Variants in CTR9 observed in about 807,000 individuals in gnomAD.
CTR9 encodes CTR9 component of Paf1/RNA polymerase II complex.
A neutral mutation model predicts 152.1 loss-of-function variants in CTR9; 41 were observed. The ratio of observed to expected loss-of-function variants is 0.27; its 90% CI spans 0.21 to 0.35. The LOEUF (loss-of-function observed/expected upper bound fraction) is 0.35, where lower values mean the gene tolerates loss of function less well. Ranked by LOEUF, CTR9 falls within the 10% of genes least tolerant of loss-of-function variation. The pLI is 1.00. For synonymous variants in CTR9, 476 were observed against 496.2 expected (o/e 0.96, Z 0.54); for missense variants, 917 against 1,424.4 (o/e 0.64, Z 5.73).
At chr11:10,760,766 G>C (rs1381706907) in intron 6 of CTR9, among the ~76,000 whole-genome samples, 2 of 152,178 alleles carry the variant, frequency 1.3e-5, no homozygotes, top group Non-Finnish European at 2.9e-5. Context: ...TAAACCAGTT[G>C]TCAAAGGTCT....
intron 5 of CTR9, among the ~76,000 whole-genome samples, chr11:10,757,500 C>T (rs1862904430): frequency 6.7e-6 from 1 of 149,988 alleles, no homozygotes; most frequent in Admixed American, 6.6e-5. Context: ...ATCACTTGAG[C>T]CTAGGCATTT....
rs755514262 is a variant in CTR9, at chr11:10,772,644, C to G, written c.2569C>G (p.Leu857Val). The part of the protein sequence containing the change: ...QEKELLRQKL[L>V]KEQEEKRLRE... ...AAAGGAGCTGTTAAGGCAGAAACTT[C>G]TTAAAGAACAGGTATCTTGTATTTT... Residue 857 changes from leucine to valine, a missense_variant, in exon 20 of 25, where the codon CTT (leucine) becomes GTT (valine). By Grantham distance (32) the Leu-to-Val change is conservative (BLOSUM62 1). Around this residue, in one of 9 missense-constraint regions of CTR9, gnomAD observed 384 missense variants for 398.4 expected, o/e 0.96. Transcript: ENST00000361367. 6.2e-7 allele frequency: 1 copy of G among 1,602,524 alleles called. No individual in the cohort carries two copies. Among genetic ancestry groups the G allele is most frequent in the East Asian group, 2.2e-5 (1 of 44,550 alleles).
At chr11:10,778,331 A>G (rs574893658) in intron 24 of CTR9, among the ~76,000 whole-genome samples, 1 of 152,358 alleles carries the variant, frequency 6.6e-6, no homozygotes, top group African/African-American at 2.4e-5. Flanking sequence ...ATTTGTGTAC[A>G]GAGATAAACA....
intron 5 of CTR9, among the ~76,000 whole-genome samples, chr11:10,757,101 G>A (rs1230105171): frequency 1.3e-5 from 2 of 150,740 alleles, no homozygotes; most frequent in Non-Finnish European, 3.0e-5. Context: ...CCTGGGCAAC[G>A]TAGTAAGACC....
intron 24 of CTR9, among the ~76,000 whole-genome samples, chr11:10,777,456 A>G (rs1318755973): frequency 1.3e-5 from 2 of 152,166 alleles, no homozygotes; most frequent in African/African-American, 4.8e-5. Context: ...ACCGGCTGAC[A>G]CATCTGGATT....
rs1268639575 is a variant in CTR9 at position 10,760,205 on chromosome 11, G to T, written c.625G>T (p.Val209Leu). The stretch of plus-strand genomic sequence containing the variant: ...TCGTTTAGGAATGGGTCATTGCTTT[G>T]TGAAACTTAACAAACTGGAAAAAGC... ...EVRLGMGHCF[V>L]KLNKLEKARL... The change falls in exon 6 of 25, where the codon GTG becomes TTG. Residue 209 changes from valine to leucine, a missense_variant. Coordinates refer to ENST00000361367, the MANE Select transcript of CTR9 (RefSeq NM_014633.5). The T allele has an allele frequency of 6.2e-7, 1 of 1,614,068 alleles. No homozygotes were observed. The highest frequency in any genetic ancestry group is 8.5e-7 in the Non-Finnish European group (1 of 1,179,930).
chr11:10,778,611 A>G, intron 24 of CTR9, 68 bp from the exon 25 acceptor site: 1 of 1,454,108 alleles, frequency 6.9e-7, no homozygotes, highest in Non-Finnish European at 9.4e-7. Context: ...TTAAAAGCAC[A>G]TTGTCTGCTC....
rs1330266708 is a variant in CTR9 at position 10,776,321 on chromosome 11, C to T, written c.3095+688C>T. 2.6e-5 allele frequency among the ~76,000 whole-genome samples: 4 copies of T among 152,140 alleles called. No individual in the cohort carries two copies. The East Asian group carries it at 7.7e-4, about 29-fold the overall frequency. ...GGCTATTTCTTGACTGTTTTCTCCC[C>T]CGTTGTGCGGTGGTAAGTCAACAGT... is the stretch of plus-strand genomic sequence containing the variant. On this transcript the variant is annotated intron_variant, in intron 24 of 24. Coordinates refer to ENST00000361367, the MANE Select transcript of CTR9 (RefSeq NM_014633.5).
chr11:10,756,161 A>C (rs1262977533), intron 4 of CTR9, among the ~76,000 whole-genome samples: 1 of 152,198 alleles, frequency 6.6e-6, no homozygotes, highest in African/African-American at 2.4e-5. Context: ...TAATTTTTTC[A>C]AAAAAGAGTA....
chr11:10,758,131 A>G (rs555247246), intron 5 of CTR9, among the ~76,000 whole-genome samples: 3 of 152,352 alleles, frequency 2.0e-5, no homozygotes, highest in African/African-American at 7.2e-5. Context: ...CCAGGGACTG[A>G]CTAATCACGT....
intron 3 of CTR9, 148 bp downstream of exon 3, chr11:10,755,345 T>G: frequency 1.0e-6 from 1 of 1,001,100 alleles, no homozygotes; most frequent in Non-Finnish European, 1.5e-6. Flanking sequence ...CTCATTAAAA[T>G]CGGAATGCTT....
At chr11:10,768,689 T>A (rs1006527428) in intron 16 of CTR9, among the ~76,000 whole-genome samples, 198 bp downstream of exon 16, 3 of 152,190 alleles carry the variant, frequency 2.0e-5, no homozygotes, top group African/African-American at 7.2e-5. Context: ...CACCACTAAT[T>A]ACATGCCTCA....
chr11:10,772,633 G>T lies in CTR9; in HGVS notation c.2558G>T (p.Arg853Met). 1 of 1,602,292 alleles carries T rather than the reference G, an allele frequency of 6.2e-7. No homozygotes were observed. Among genetic ancestry groups the T allele is most frequent in the South Asian group, 1.1e-5 (1 of 89,342 alleles). ...AKQEQEKELL[R>M]QKLLKEQEEK... Reference sequence around the variant, plus strand: ...CAAGAGCAAGAAAAGGAGCTGTTAAGGCAGAAACTTCTTAAAGAACAGGTA... The same window carrying T: ...CAAGAGCAAGAAAAGGAGCTGTTAATGCAGAAACTTCTTAAAGAACAGGTA... Residue 853 changes from arginine (R) to methionine (M), a missense_variant, in exon 20 of 25, where the codon AGG becomes ATG. Around this residue, in one of 9 missense-constraint regions of CTR9, gnomAD observed 384 missense variants for 398.4 expected, o/e 0.96. Coordinates refer to ENST00000361367, the MANE Select transcript of CTR9 (RefSeq NM_014633.5).
chr11:10,764,259 A>G lies in CTR9; in HGVS notation c.1285-49A>G, dbSNP rs191470053. ...GATGTGTTTTTTGTAAGCCTGGTGT[A>G]GTGTCTCTCTTCCACTTACACCTTT... On this transcript the variant is annotated intron_variant, in intron 10 of 24. Coordinates refer to ENST00000361367, the MANE Select transcript of CTR9 (RefSeq NM_014633.5). The G allele has an allele frequency of 1.0e-4, 162 of 1,613,740 alleles. 2 individuals are homozygous for G. In the East Asian group the frequency reaches 3.5e-3, roughly 35 times the overall value.
chr11:10,756,843 G>T lies in CTR9; in HGVS notation c.592+5G>T. ...GTACTAACCCAGGATGTCCAGGTAA[G>T]AGAAAAATTTTATTTTATGTCTAAA... On this transcript the variant is annotated splice_donor_5th_base_variant and intron_variant, in intron 5 of 24. Coordinates refer to ENST00000361367, the MANE Select transcript of CTR9 (RefSeq NM_014633.5). 6.2e-7 allele frequency: 1 copy of T among 1,600,630 alleles called. No homozygotes were observed. Among genetic ancestry groups the T allele is most frequent in the South Asian group, 1.1e-5 (1 of 90,280 alleles).
At chr11:10,770,427 GCTGT>G (rs1409831828) in intron 17 of CTR9, 56 bp from the exon 18 acceptor site, 4 of 1,588,268 alleles carry the variant, frequency 2.5e-6, no homozygotes, top group Non-Finnish European at 2.6e-6. Context: ...ATAATACTCT[GCTGT>G]CTAAGATCCT....
chr11:10,774,244 A>T (rs1863194407), intron 22 of CTR9, 75 bp downstream of exon 22: 1 of 1,504,726 alleles, frequency 6.6e-7, no homozygotes. Flanking sequence ...GAATCTTTTG[A>T]TGTTTAGAAT....
In CTR9 at chr11:10,767,775, G is replaced by C. The variant is rs774920237; in HGVS notation, c.1687-31G>C. On this transcript the variant is annotated intron_variant, in intron 13 of 24. Coordinates refer to ENST00000361367, the MANE Select transcript of CTR9 (RefSeq NM_014633.5). The surrounding 1 kb of genome is among the most constrained non-coding windows in gnomAD (Gnocchi z 4.0). The stretch of plus-strand genomic sequence containing the variant: ...TTGATCTCTGTCAAACTAAACTGCA[G>C]ATTTTCCTTCTTCATGTATGTATGT... 2.5e-6 allele frequency: 4 copies of C among 1,606,530 alleles called. No individual in the cohort carries two copies. The Admixed American group carries it at 5.0e-5, about 20-fold the overall frequency.
intron 9 of CTR9, 37 bp from the exon 10 acceptor site, chr11:10,764,075 A>T: frequency 1.3e-6 from 2 of 1,593,596 alleles, no homozygotes; most frequent in African/African-American, 1.3e-5. Context: ...CAACCTATAG[A>T]TGGAATACTT....
Sources: allele counts gnomAD v4.1 joint callset (sites outside exome capture counted in the v4.1 genomes callset), GRCh38; gene constraint gnomAD v4.1.1; regional missense constraint gnomAD v4.1.1; non-coding constraint Gnocchi (gnomAD v3.1); transcripts MANE v1.5; gene names NCBI Gene and HGNC (gene_info 2026-07-23, HGNC 2026-07-21).